PCLO: variants seen among roughly 807,000 people sequenced by gnomAD.
PCLO encodes piccolo presynaptic cytomatrix protein, also known as protein piccolo.
A neutral mutation model predicts 427.5 loss-of-function variants in PCLO; 82 were observed. That is an observed-to-expected ratio of 0.19 (90% CI 0.16 to 0.23). The LOEUF (loss-of-function observed/expected upper bound fraction) is 0.23, where lower values mean the gene tolerates loss of function less well. PCLO is among the 10% of genes least tolerant of loss of function. The pLI is 1.00. For missense variants in PCLO, 6,239 were observed against 6,115.9 expected (o/e 1.02, Z -0.67); for synonymous variants, 2,357 against 2,155.4 (o/e 1.09, Z -2.59).
At chr7:82,865,702 T>C (rs1043739638) in intron 10 of PCLO, among the ~76,000 whole-genome samples, 22 of 152,160 alleles carry the variant, frequency 1.4e-4, no homozygotes, top group African/African-American at 5.1e-4. Flanking sequence ...ACCTAATAAA[T>C]GAATGAACAT....
intron 2 of PCLO, among the ~76,000 whole-genome samples, chr7:83,141,114 G>C (rs1791848867): frequency 6.6e-6 from 1 of 152,146 alleles, no homozygotes; most frequent in African/African-American, 2.4e-5. Flanking sequence ...CTTCCCAAAT[G>C]CCCTGTCAAA....
Position 82,861,574 on chromosome 7 carries a change from C to A in PCLO, c.13655-14327G>T, listed in dbSNP as rs370929677. On this transcript the variant is annotated intron_variant, in intron 10 of 24. Transcript: ENST00000333891. ...GCTGGAGACTTCAAAACCCCATTTT[C>A]AGCAGAAAATCAGACAAAGAAACAT... Among the ~76,000 whole-genome samples, 10 of 151,900 alleles carry A rather than the reference C, an allele frequency of 6.6e-5. No homozygotes were observed. In the East Asian group the frequency reaches 1.7e-3, roughly 26 times the overall value.
intron 3 of PCLO, among the ~76,000 whole-genome samples, chr7:82,970,650 A>G (rs990298889): frequency 3.9e-5 from 6 of 151,950 alleles, no homozygotes; most frequent in Admixed American, 3.9e-4. Context: ...TATAATGTCA[A>G]TAAGAGTTGA....
At chr7:83,118,735 A>C (rs1791198352) in intron 3 of PCLO, among the ~76,000 whole-genome samples, 1 of 152,112 alleles carries the variant, frequency 6.6e-6, no homozygotes, top group African/African-American at 2.4e-5. Context: ...AGTGGACTAA[A>C]GTGCTCTAGG....
intron 2 of PCLO, among the ~76,000 whole-genome samples, chr7:83,142,787 C>T (rs1791894690): frequency 6.6e-6 from 1 of 152,024 alleles, no homozygotes; most frequent in Non-Finnish European, 1.5e-5. Flanking sequence ...GGTGAAACCC[C>T]GTCTCTACTA....
intron 3 of PCLO, among the ~76,000 whole-genome samples, chr7:83,035,443 T>C (rs996596699): frequency 5.9e-5 from 9 of 152,184 alleles, no homozygotes; most frequent in Non-Finnish European, 1.2e-4. Context: ...TCTCTACTAA[T>C]GTAAATAAAT....
intron 3 of PCLO, among the ~76,000 whole-genome samples, chr7:83,032,477 T>C (rs566846201): frequency 6.5e-5 from 9 of 139,100 alleles, no homozygotes; most frequent in South Asian, 2.6e-4. Flanking sequence ...CCTCCCTTCC[T>C]TCCCTTCCTT....
Position 82,915,047 on chromosome 7 carries a change from G to C in PCLO, c.12939C>G (p.Ser4313=), listed in dbSNP as rs911899777. ...LSIKRDSSSS[S]LRLKAQEAEA... ...CAGCCTCTTGAGCTTTCAGTCTTAGGGAAGAGCTAGAAGAATCCCTTTTAA... is the reference window on the plus strand; with the variant it reads ...CAGCCTCTTGAGCTTTCAGTCTTAGCGAAGAGCTAGAAGAATCCCTTTTAA... Residue 4313 remains serine, a synonymous_variant, in exon 7 of 25, where the codon TCC becomes TCG. Transcript: ENST00000333891. 1.9e-6 allele frequency: 3 copies of C among 1,613,084 alleles called. No homozygotes were observed. The African/African-American group carries it at 4.0e-5, about 22-fold the overall frequency.
intron 3 of PCLO, among the ~76,000 whole-genome samples, chr7:82,999,251 G>C (rs184761923): frequency 7.1e-6 from 1 of 141,074 alleles, no homozygotes; most frequent in Non-Finnish European, 1.5e-5. Flanking sequence ...AATATATATG[G>C]ATATATAATA....
intron 10 of PCLO, among the ~76,000 whole-genome samples, chr7:82,879,049 A>G (rs940439237): frequency 6.6e-5 from 10 of 152,198 alleles, no homozygotes; most frequent in Non-Finnish European, 1.3e-4. Flanking sequence ...ACAGATAACT[A>G]AAGTGTTTTT....
chr7:82,786,914 A>G (rs188468325), intron 22 of PCLO, among the ~76,000 whole-genome samples: 4 of 152,244 alleles, frequency 2.6e-5, no homozygotes, highest in Admixed American at 1.3e-4. Context: ...TGCAAAGGAC[A>G]TGAACTCATC....
intron 3 of PCLO, among the ~76,000 whole-genome samples, chr7:82,996,866 C>T (rs1787630228): frequency 6.6e-6 from 1 of 151,938 alleles, no homozygotes; most frequent in Non-Finnish European, 1.5e-5. Flanking sequence ...TAGCTGAAAA[C>T]ATTTTAATAA....
intron 15 of PCLO, among the ~76,000 whole-genome samples, chr7:82,836,074 T>C (rs1466120636): frequency 6.6e-6 from 1 of 152,108 alleles, no homozygotes; most frequent in African/African-American, 2.4e-5. Flanking sequence ...GTTCCCACCA[T>C]TCCTTGTTGC....
chr7:83,110,302 A>T (rs967969273), intron 3 of PCLO, among the ~76,000 whole-genome samples: 11 of 151,860 alleles, frequency 7.2e-5, no homozygotes, highest in Non-Finnish European at 8.8e-5. Context: ...TGCTCTTTAC[A>T]TGCCTTTTTT....
Position 83,134,498 on chromosome 7 carries a change from C to T in PCLO, c.3052G>A (p.Val1018Ile), listed in dbSNP as rs1160945150. Residue 1018 changes from valine to isoleucine, a missense_variant, in exon 3 of 25, where the codon GTA becomes ATA. Transcript: ENST00000333891. ...TTTTTTTCTGTTTCTGTTCTTTTTA[C>T]TGTTGGAGCTTGTTCAGCTTTGGGC... ...LEPKAEQAPT[V>I]KRTETEKKPP... The T allele has an allele frequency of 1.2e-6, 2 of 1,613,464 alleles. No homozygotes were observed.
chr7:83,087,755 G>A (rs1790274399), intron 3 of PCLO, among the ~76,000 whole-genome samples: 1 of 151,874 alleles, frequency 6.6e-6, no homozygotes, highest in Non-Finnish European at 1.5e-5. Context: ...ATCAAAATGA[G>A]TTATATCAGG....
intron 3 of PCLO, among the ~76,000 whole-genome samples, chr7:83,055,130 T>C (rs1204691301): frequency 6.6e-6 from 1 of 152,118 alleles, no homozygotes; most frequent in Non-Finnish European, 1.5e-5. Context: ...AATAAAAACT[T>C]TGACTTTTTT....
chr7:82,929,163 AT>A (rs1217872944), intron 6 of PCLO, among the ~76,000 whole-genome samples: 1 of 152,188 alleles, frequency 6.6e-6, no homozygotes, highest in African/African-American at 2.4e-5. Flanking sequence ...ATATAATGAC[AT>A]TATTTAATGG....
At position 82,949,847 on chromosome 7, in the gene PCLO, G is replaced by C; in HGVS notation, c.10741C>G (p.Leu3581Val). ...ADSDTQSPQY[L>V]SATSPPKDKK... ...TCTTTGGGTGGAGATGTGGCACTCAGATATTGAGGACTTTGTGTGTCTGAA... is the reference window on the plus strand; with the variant it reads ...TCTTTGGGTGGAGATGTGGCACTCACATATTGAGGACTTTGTGTGTCTGAA... The change falls in exon 6 of 25, where the codon CTG becomes GTG. Residue 3581 changes from leucine (L) to valine (V), a missense_variant. Around this residue, in one of 5 missense-constraint regions of PCLO, gnomAD observed 4,677 missense variants for 4,468.4 expected, o/e 1.05. Coordinates refer to ENST00000333891, the MANE Select transcript of PCLO (RefSeq NM_033026.6). 6.2e-7 allele frequency: 1 copy of C among 1,613,698 alleles called. No individual in the cohort carries two copies. The highest frequency in any genetic ancestry group is 8.5e-7 in the Non-Finnish European group (1 of 1,179,812).
Sources: gnomAD v4.1 joint callset for allele counts (sites outside exome capture counted in the v4.1 genomes callset) on GRCh38, gnomAD v4.1.1 for gene constraint, gnomAD v4.1.1 regional missense constraint, MANE v1.5 for transcripts, NCBI Gene and HGNC (gene_info 2026-07-23, HGNC 2026-07-21) for gene names.